The following STPG2 variants were observed in gnomAD, a reference collection of about 807,000 sequenced individuals.
STPG2 encodes sperm-tail PG-rich repeat-containing protein 2.
In STPG2, 56 loss-of-function variants were observed where a neutral mutation model predicts 54.2. The ratio of observed to expected loss-of-function variants is 1.03; its 90% CI spans 0.83 to 1.29. STPG2 has a LOEUF of 1.29. Ranked by LOEUF, STPG2 falls within the 50% of genes most tolerant of loss-of-function variation. The probability of loss-of-function intolerance (pLI) is 0.00; values close to 1 mark genes in which losing one functional copy is unlikely to be tolerated. For missense variants in STPG2, 596 were observed against 544.9 expected (o/e 1.09, Z -0.93); for synonymous variants, 200 against 181.8 (o/e 1.10, Z -0.81).
At chr4:97,842,413 C>A (rs165254) in intron 8 of STPG2, among the ~76,000 whole-genome samples, 1 of 151,566 alleles carries the variant, frequency 6.6e-6, no homozygotes, top group African/African-American at 2.4e-5. Context: ...GAAAAGAAAC[C>A]GGAAGAGATT....
chr4:97,815,503 T>C (rs1328596429), intron 9 of STPG2, among the ~76,000 whole-genome samples: 1 of 152,190 alleles, frequency 6.6e-6, no homozygotes, highest in Non-Finnish European at 1.5e-5. Flanking sequence ...AGATTAAGGA[T>C]ACTCAACCTG....
In STPG2 at chr4:97,840,892, T is replaced by C. The variant is rs1728781722; in HGVS notation, c.1085A>G (p.Tyr362Cys). The C allele has an allele frequency of 6.2e-7, 1 of 1,612,080 alleles. No homozygotes were observed. Among genetic ancestry groups the C allele is most frequent in the Non-Finnish European group, 8.5e-7 (1 of 1,178,588 alleles). ...APGSYDVHKS[Y>C]EMSQVKHKYM... The stretch of plus-strand genomic sequence containing the variant: ...TTTATGCTTAACTTGGGACATCTCA[T>C]ATGATTTGTGAACATCATAGCTGCC... Residue 362 changes from tyrosine (Y) to cysteine (C), a missense_variant, in exon 9 of 11, where the codon TAT becomes TGT. By Grantham distance (194) the Tyr-to-Cys change is radical. Transcript: ENST00000295268.
chr4:97,811,996 G>A (rs1727754489), intron 9 of STPG2, among the ~76,000 whole-genome samples: 1 of 151,780 alleles, frequency 6.6e-6, no homozygotes, highest in Non-Finnish European at 1.5e-5. Flanking sequence ...TATATTTTTA[G>A]AAAAAAAGTA....
At chr4:97,907,087 G>C (rs941159818) in intron 8 of STPG2, among the ~76,000 whole-genome samples, 1 of 151,798 alleles carries the variant, frequency 6.6e-6, no homozygotes, top group African/African-American at 2.4e-5. Flanking sequence ...GTCCCTGTTT[G>C]CAGACGACAT....
At chr4:98,076,336 T>TAAAAG (rs10678377) in intron 5 of STPG2, among the ~76,000 whole-genome samples, 59,813 of 151,608 alleles carry the variant, frequency 0.39, 11,997 homozygotes, top group Middle Eastern at 0.46. Flanking sequence ...GATTAATCTG[T>TAAAAG]AAAAGTCTTT....
chr4:97,727,276 T>C (rs1421281134), intron 9 of STPG2, among the ~76,000 whole-genome samples: 2 of 151,926 alleles, frequency 1.3e-5, no homozygotes, highest in African/African-American at 4.8e-5. Flanking sequence ...TTTATATTTA[T>C]CTTTCTAATA....
At chr4:97,538,212 G>A (rs572003487) in intron 4 of STPG2, among the ~76,000 whole-genome samples, 1 of 152,332 alleles carries the variant, frequency 6.6e-6, no homozygotes, top group African/African-American at 2.4e-5. Context: ...TTGACGAGTT[G>A]AGAGAAGAAG....
At chr4:98,026,047 C>A in intron 5 of STPG2, 1 of 1,068,188 alleles carries the variant, frequency 9.4e-7, no homozygotes, top group Non-Finnish European at 1.4e-6. Context: ...AGAAACAGTT[C>A]TCTCAATACA....
intron 10 of STPG2, among the ~76,000 whole-genome samples, chr4:97,593,064 C>G (rs1276717504): frequency 6.6e-6 from 1 of 152,126 alleles, no homozygotes; most frequent in African/African-American, 2.4e-5. Flanking sequence ...CTGAGCACTC[C>G]CTTGTTTGCT....
intron 8 of STPG2, among the ~76,000 whole-genome samples, chr4:97,843,249 G>T (rs1215641458): frequency 5.3e-5 from 8 of 150,540 alleles, no homozygotes; most frequent in Admixed American, 1.3e-4. Flanking sequence ...TCTTGCATTT[G>T]GGAAATTCCA....
At chr4:97,715,918 T>C (rs12499823) in intron 9 of STPG2, among the ~76,000 whole-genome samples, 8,270 of 152,134 alleles carry the variant, frequency 0.054, 332 homozygotes, top group Admixed American at 0.14. Flanking sequence ...ACCTACAGAA[T>C]TAGAGAAAAT....
chr4:97,851,926 G>A (rs1474938677), intron 8 of STPG2, among the ~76,000 whole-genome samples: 1 of 152,150 alleles, frequency 6.6e-6, no homozygotes, highest in African/African-American at 2.4e-5. Flanking sequence ...TGCTACTGAG[G>A]CAGAGAATAA....
chr4:97,836,681 T>A (rs1026238304), intron 9 of STPG2, among the ~76,000 whole-genome samples: 2 of 151,690 alleles, frequency 1.3e-5, no homozygotes, highest in Non-Finnish European at 2.9e-5. Context: ...TTTGTCCCCA[T>A]GGAATTTAAA....
intron 10 of STPG2, among the ~76,000 whole-genome samples, chr4:97,608,040 G>C (rs540019321): frequency 6.6e-6 from 1 of 151,928 alleles, no homozygotes; most frequent in Non-Finnish European, 1.5e-5. Context: ...CTAAAAGGTG[G>C]GGGGAAAGGA....
intron 9 of STPG2, among the ~76,000 whole-genome samples, chr4:97,762,293 G>A (rs913781752): frequency 2.0e-5 from 3 of 151,956 alleles, no homozygotes; most frequent in African/African-American, 7.3e-5. Flanking sequence ...TCTTAATAGA[G>A]CAGGATTAAC....
intron 10 of STPG2, among the ~76,000 whole-genome samples, chr4:97,676,408 T>TAA (rs1722847185): frequency 6.6e-6 from 1 of 152,024 alleles, no homozygotes; most frequent in South Asian, 2.1e-4. Context: ...AACAAGATAA[T>TAA]AAGCACCTTA....
chr4:97,895,504 AC>A (rs1417068429), intron 8 of STPG2, among the ~76,000 whole-genome samples: 1 of 151,864 alleles, frequency 6.6e-6, no homozygotes, highest in African/African-American at 2.4e-5. Flanking sequence ...ATATGGCTTG[AC>A]ATGTACTTAT....
At chr4:97,710,735 A>C (rs2149006088) in intron 10 of STPG2, among the ~76,000 whole-genome samples, 1 of 152,236 alleles carries the variant, frequency 6.6e-6, no homozygotes, top group South Asian at 2.1e-4. Flanking sequence ...TTATCAACCC[A>C]TCAACTTAAA....
chr4:97,539,919 T>C (rs780574698), intron 4 of STPG2, among the ~76,000 whole-genome samples: 5 of 152,180 alleles, frequency 3.3e-5, no homozygotes, highest in Non-Finnish European at 7.4e-5. Flanking sequence ...AAGATTTCTT[T>C]GAAACCAATG....
Sources: gnomAD v4.1 joint callset for allele counts (sites outside exome capture counted in the v4.1 genomes callset) on GRCh38, gnomAD v4.1.1 for gene constraint, MANE v1.5 for transcripts, NCBI Gene and HGNC (gene_info 2026-07-23, HGNC 2026-07-21) for gene names.